HSCB: variants seen among roughly 807,000 people sequenced by gnomAD.
HSCB encodes HscB mitochondrial iron-sulfur cluster cochaperone.
In HSCB, 23 loss-of-function variants were observed where a neutral mutation model predicts 31.3. The observed-to-expected ratio is 0.74, with a 90% CI of 0.53 to 1.04. The LOEUF (loss-of-function observed/expected upper bound fraction) is 1.04. Among genes scored for constraint, HSCB ranks in the 50% least tolerant of loss-of-function variants. The pLI is 0.00. For missense variants in HSCB, 297 were observed against 288.1 expected (o/e 1.03, Z -0.22); for synonymous variants, 110 against 104.5 (o/e 1.05, Z -0.32).
At chr22:28,744,809 A>G in intron 3 of HSCB, 105 bp downstream of exon 3, 1 of 879,918 alleles carries the variant, frequency 1.1e-6, no homozygotes, top group South Asian at 1.4e-5. Context: ...GAGGTCAGGC[A>G]TGGTGGCTCA....
At chr22:28,742,417 C>G in intron 1 of HSCB, 86 bp downstream of exon 1, 1 of 1,541,790 alleles carries the variant, frequency 6.5e-7, no homozygotes, top group South Asian at 1.2e-5. Flanking sequence ...ATCTGGCTGG[C>G]GGAAGAGAAG....
intron 5 of HSCB, among the ~76,000 whole-genome samples, chr22:28,756,417 A>G (rs2030598907): frequency 6.6e-6 from 1 of 151,470 alleles, no homozygotes; most frequent in African/African-American, 2.4e-5. Context: ...TCATATCCTC[A>G]GTATACCACC....
intron 5 of HSCB, among the ~76,000 whole-genome samples, chr22:28,751,731 G>C: frequency 6.7e-6 from 1 of 149,910 alleles, no homozygotes; most frequent in East Asian, 1.9e-4. Flanking sequence ...GAGTGACAGA[G>C]CGAGACTCCA....
chr22:28,747,089 G>A (rs1364652454), intron 4 of HSCB, among the ~76,000 whole-genome samples: 2 of 151,818 alleles, frequency 1.3e-5, no homozygotes, highest in African/African-American at 2.4e-5. Flanking sequence ...AATCTATAGG[G>A]GTAGATAAGC....
Position 28,743,980 on chromosome 22 carries a change from T to C in HSCB, c.333+2T>C. The C allele has an allele frequency of 6.2e-7, 1 of 1,610,542 alleles. No individual in the cohort carries two copies. Among genetic ancestry groups the C allele is most frequent in the Non-Finnish European group, 8.5e-7 (1 of 1,176,766 alleles). ...GATTTCTTCAGCCAGAGGTCTCAGG[T>C]AGCTTATTGGCCAACCCCAATAATC... On this transcript the variant is annotated splice_donor_variant, in intron 2 of 5. Transcript: ENST00000216027. LOFTEE classifies it high-confidence loss of function.
chr22:28,744,684 CT>C lies in HSCB; in HGVS notation c.404del (p.Leu135ArgfsTer8), dbSNP rs1306955011. ...NDAYKTLLAP[L>X]SRGLYLLKLH... Reference sequence around the variant, plus strand: ...TGCCTATAAGACCCTCCTGGCCCCCCTGAGCAGAGGACTGTACCTTGTAAGG... The same window carrying C: ...TGCCTATAAGACCCTCCTGGCCCCCCGAGCAGAGGACTGTACCTTGTAAGG... On this transcript the variant is annotated frameshift_variant, in exon 3 of 6. Coordinates refer to ENST00000216027, the MANE Select transcript of HSCB (RefSeq NM_172002.5). LOFTEE classifies it high-confidence loss of function. 3 of 1,613,514 alleles carry C rather than the reference CT, an allele frequency of 1.9e-6. No homozygotes were observed. The highest frequency in any genetic ancestry group is 2.7e-5 in the African/African-American group (2 of 74,914).
At chr22:28,751,371 T>G in intron 5 of HSCB, 83 bp downstream of exon 5, 1 of 745,862 alleles carries the variant, frequency 1.3e-6, no homozygotes. Flanking sequence ...AACTAGCTAT[T>G]ATATACCTTC....
chr22:28,744,515 G>A, intron 2 of HSCB, 100 bp from the exon 3 acceptor site: 1 of 820,874 alleles, frequency 1.2e-6, no homozygotes, highest in South Asian at 1.5e-5. Flanking sequence ...TCGCGCCACT[G>A]CACACTCCAG....
intron 5 of HSCB, 45 bp from the exon 6 acceptor site, chr22:28,757,033 C>A: frequency 1.7e-6 from 2 of 1,166,492 alleles, no homozygotes; most frequent in Non-Finnish European, 2.6e-6. Context: ...TGGTTTTATT[C>A]TTGCTTGAAA....
intron 4 of HSCB, among the ~76,000 whole-genome samples, chr22:28,748,866 G>A (rs1216928292): frequency 6.6e-6 from 1 of 152,124 alleles, no homozygotes; most frequent in South Asian, 2.1e-4. Flanking sequence ...TTGACCAGGT[G>A]TGATGGCTTA....
Position 28,744,729 on chromosome 22 carries a change from G to T in HSCB, c.423+25G>T, listed in dbSNP as rs374795622. 20 of 1,548,246 alleles carry T rather than the reference G, an allele frequency of 1.3e-5. 1 individual carries two copies. In the Middle Eastern group the frequency reaches 3.2e-3, roughly 248 times the overall value. On this transcript the variant is annotated intron_variant, in intron 3 of 5. Coordinates refer to ENST00000216027, the MANE Select transcript of HSCB (RefSeq NM_172002.5). ...TGTAAGGTGATTTCCCAACACTTCT[G>T]TGTATGACGTCCTGATGCCCATTAT...
At chr22:28,751,382 C>A in intron 5 of HSCB, 94 bp downstream of exon 5, 2 of 675,664 alleles carry the variant, frequency 3.0e-6, no homozygotes, top group South Asian at 1.9e-5. Flanking sequence ...ATATACCTTC[C>A]TATGATAGCT....
chr22:28,753,512 G>A (rs1427133426), intron 5 of HSCB, among the ~76,000 whole-genome samples: 5 of 147,150 alleles, frequency 3.4e-5, no homozygotes, highest in African/African-American at 1.0e-4. Context: ...TGGGCGACAA[G>A]AGAAAAACTC....
At chr22:28,748,248 C>A (rs540974754) in intron 4 of HSCB, among the ~76,000 whole-genome samples, 1 of 152,174 alleles carries the variant, frequency 6.6e-6, no homozygotes, top group South Asian at 2.1e-4. Context: ...CTTGCACAAG[C>A]GTAAATTCTG....
intron 5 of HSCB, among the ~76,000 whole-genome samples, chr22:28,751,874 G>A (rs1000370177): frequency 7.9e-5 from 12 of 152,074 alleles, no homozygotes; most frequent in African/African-American, 2.7e-4. Flanking sequence ...CAGATCACTT[G>A]AGGTTAGGGG....
Position 28,742,295 on chromosome 22 carries a change from C to G in HSCB, c.200C>G (p.Pro67Arg), listed in dbSNP as rs751109427. The change falls in exon 1 of 6, where the codon CCT (proline) becomes CGT (arginine). Residue 67 changes from proline to arginine, a missense_variant. By Grantham distance (103) the Pro-to-Arg change is moderately radical (BLOSUM62 -2). Transcript: ENST00000216027. ...FCPQCRALQA[P>R]DPTRDYFSLM... ...CCACAGTGCCGAGCGCTGCAGGCAC[C>G]TGACCCCACTCGAGACTACTTCAGC... 1 of 1,614,154 alleles carries G rather than the reference C, an allele frequency of 6.2e-7. No individual in the cohort carries two copies. The highest frequency in any genetic ancestry group is 8.5e-7 in the Non-Finnish European group (1 of 1,180,030).
At chr22:28,744,797 T>C (rs2054657215) in intron 3 of HSCB, 93 bp downstream of exon 3, 2 of 1,005,396 alleles carry the variant, frequency 2.0e-6, no homozygotes, top group Non-Finnish European at 1.6e-6. Context: ...AGAAGAGTGC[T>C]TGAGGTCAGG....
intron 4 of HSCB, among the ~76,000 whole-genome samples, chr22:28,750,885 C>T (rs2030178259): frequency 1.3e-5 from 2 of 148,462 alleles, no homozygotes; most frequent in Non-Finnish European, 1.5e-5. Context: ...TTAATGTTCT[C>T]CTTGCTGAAA....
intron 5 of HSCB, among the ~76,000 whole-genome samples, chr22:28,755,337 G>A (rs2030537728): frequency 6.6e-6 from 1 of 151,876 alleles, no homozygotes; most frequent in South Asian, 2.1e-4. Flanking sequence ...GTGAACCGGG[G>A]AGGCAGAGTT....
Sources: allele counts gnomAD v4.1 joint callset (sites outside exome capture counted in the v4.1 genomes callset), GRCh38; gene constraint gnomAD v4.1.1; transcripts MANE v1.5; gene names NCBI Gene and HGNC (gene_info 2026-07-23, HGNC 2026-07-21).